The following MRPS28 variants were observed in gnomAD, a reference collection of about 807,000 sequenced individuals.
The protein encoded by MRPS28 is mitochondrial ribosomal protein S28.
A neutral mutation model predicts 10.8 loss-of-function variants in MRPS28; 7 were observed. The ratio of observed to expected loss-of-function variants is 0.65; its 90% CI spans 0.37 to 1.22. The LOEUF (loss-of-function observed/expected upper bound fraction) is 1.22. Among genes scored for constraint, MRPS28 ranks in the 50% most tolerant of loss-of-function variants. The probability of loss-of-function intolerance (pLI) is 0.02; values close to 1 mark genes in which losing one functional copy is unlikely to be tolerated. For missense variants in MRPS28, 265 were observed against 232.9 expected (o/e 1.14, Z -0.90); for synonymous variants, 121 against 93.3 (o/e 1.30, Z -1.71).
At chr8:79,999,082 G>A (rs1808586411) in intron 2 of MRPS28, among the ~76,000 whole-genome samples, 1 of 152,168 alleles carries the variant, frequency 6.6e-6, no homozygotes, top group South Asian at 2.1e-4. Flanking sequence ...GCAGGCTGAT[G>A]AATGATGAAC....
intron 2 of MRPS28, among the ~76,000 whole-genome samples, chr8:79,986,832 T>C (rs1172903568): frequency 6.6e-6 from 1 of 152,012 alleles, no homozygotes; most frequent in Non-Finnish European, 1.5e-5. Flanking sequence ...ATCAATATCA[T>C]GAAAATGGCC....
At chr8:79,988,258 T>G (rs1808251793) in intron 2 of MRPS28, among the ~76,000 whole-genome samples, 1 of 113,534 alleles carries the variant, frequency 8.8e-6, no homozygotes, top group Non-Finnish European at 1.7e-5. Flanking sequence ...AACATCACAC[T>G]CTGGGGACTA....
chr8:80,013,984 A>G (rs1270729548), intron 1 of MRPS28, among the ~76,000 whole-genome samples: 1 of 152,234 alleles, frequency 6.6e-6, no homozygotes, highest in Non-Finnish European at 1.5e-5. Flanking sequence ...TCAATATTGA[A>G]GAGAACAGAT....
intron 2 of MRPS28, among the ~76,000 whole-genome samples, chr8:79,948,591 G>A (rs1293199902): frequency 6.6e-6 from 1 of 152,122 alleles, no homozygotes; most frequent in Non-Finnish European, 1.5e-5. Flanking sequence ...TGAGTTTGAT[G>A]TTAATTTTAA....
chr8:79,997,532 T>A (rs974279772), intron 2 of MRPS28, among the ~76,000 whole-genome samples: 3 of 152,042 alleles, frequency 2.0e-5, no homozygotes, highest in Non-Finnish European at 4.4e-5. Flanking sequence ...CAATCTACAG[T>A]TTTCTTGCAC....
At chr8:80,014,646 G>T (rs963521693) in intron 1 of MRPS28, among the ~76,000 whole-genome samples, 1 of 152,190 alleles carries the variant, frequency 6.6e-6, no homozygotes, top group Non-Finnish European at 1.5e-5. Flanking sequence ...CAAGATTGTT[G>T]TAAGGAATAA....
intron 2 of MRPS28, among the ~76,000 whole-genome samples, chr8:79,942,403 T>G (rs1806793304): frequency 6.6e-6 from 1 of 152,200 alleles, no homozygotes; most frequent in Admixed American, 6.5e-5. Flanking sequence ...TTTCAAGAAC[T>G]ATGTTCAAAA....
At chr8:80,002,327 T>C (rs1281169581) in intron 2 of MRPS28, among the ~76,000 whole-genome samples, 1 of 152,170 alleles carries the variant, frequency 6.6e-6, no homozygotes, top group East Asian at 1.9e-4. Context: ...TAATTTAATA[T>C]ACTGTCAACT....
At chr8:80,004,383 A>G (rs1350808514) in intron 1 of MRPS28, among the ~76,000 whole-genome samples, 3 of 152,220 alleles carry the variant, frequency 2.0e-5, no homozygotes, top group Admixed American at 6.5e-5. Flanking sequence ...CAGGGTCTGG[A>G]GTGGATCTCC....
chr8:79,993,889 T>C (rs796878737), intron 2 of MRPS28, among the ~76,000 whole-genome samples: 15 of 152,294 alleles, frequency 9.8e-5, no homozygotes, highest in South Asian at 6.2e-4. Context: ...CAATCTGAAA[T>C]AGAAACAAAG....
At chr8:79,988,039 T>C (rs1403524808) in intron 2 of MRPS28, among the ~76,000 whole-genome samples, 4 of 151,496 alleles carry the variant, frequency 2.6e-5, no homozygotes, top group African/African-American at 7.3e-5. Context: ...CCAACAATGA[T>C]AGACTGAATT....
intron 2 of MRPS28, among the ~76,000 whole-genome samples, chr8:79,987,938 C>T (rs895140042): frequency 3.3e-5 from 5 of 152,200 alleles, no homozygotes; most frequent in Admixed American, 1.3e-4. Context: ...ACCCAAAGGA[C>T]TATAAATCAT....
At chr8:80,014,937 G>A (rs1420463360) in intron 1 of MRPS28, among the ~76,000 whole-genome samples, 3 of 152,168 alleles carry the variant, frequency 2.0e-5, no homozygotes, top group African/African-American at 7.2e-5. Context: ...GAAAACTGCT[G>A]TTCTCAAATG....
intron 2 of MRPS28, among the ~76,000 whole-genome samples, chr8:79,924,248 G>A (rs547863828): frequency 2.1e-3 from 327 of 152,178 alleles, no homozygotes; most frequent in African/African-American, 7.4e-3. Context: ...TATTTTTCTG[G>A]CTTTCTCACA....
At chr8:80,018,457 T>C (rs1216137538) in intron 1 of MRPS28, among the ~76,000 whole-genome samples, 1 of 152,138 alleles carries the variant, frequency 6.6e-6, no homozygotes, top group African/African-American at 2.4e-5. Context: ...CCAGTTAAAA[T>C]GGCTTTTATC....
chr8:79,990,683 C>T (rs1162105155), intron 2 of MRPS28, among the ~76,000 whole-genome samples: 2 of 151,890 alleles, frequency 1.3e-5, no homozygotes, highest in East Asian at 1.9e-4. Context: ...GAAACAAAGA[C>T]AATGATTAGG....
chr8:79,920,509 T>C (rs960342528), intron 2 of MRPS28, among the ~76,000 whole-genome samples: 6 of 152,216 alleles, frequency 3.9e-5, no homozygotes, highest in Non-Finnish European at 5.9e-5. Flanking sequence ...GGTTATCCCA[T>C]TGTGGTTTTG....
intron 2 of MRPS28, among the ~76,000 whole-genome samples, chr8:79,971,889 G>A (rs1317991291): frequency 2.0e-5 from 3 of 152,100 alleles, no homozygotes; most frequent in African/African-American, 7.2e-5. Context: ...TTTTAGTAGA[G>A]ACGGGGTTTC....
intron 2 of MRPS28, among the ~76,000 whole-genome samples, chr8:79,974,218 C>A (rs754579309): frequency 7.2e-5 from 11 of 152,066 alleles, no homozygotes; most frequent in Non-Finnish European, 1.0e-4. Context: ...TAACTAGCAC[C>A]CTCATAGAAA....
Sources: allele counts gnomAD v4.1 joint callset (sites outside exome capture counted in the v4.1 genomes callset), GRCh38; gene constraint gnomAD v4.1.1; transcripts MANE v1.5; gene names NCBI Gene and HGNC (gene_info 2026-07-23, HGNC 2026-07-21).